C20orf141: variants seen among roughly 807,000 people sequenced by gnomAD.
C20orf141 encodes the protein chromosome 20 open reading frame 141, also known as uncharacterized protein C20orf141.
Under a neutral mutation model 7.8 loss-of-function variants are expected in C20orf141, and 8 were observed. That is an observed-to-expected ratio of 1.03 (90% CI 0.60 to 1.85). The LOEUF is 1.85. C20orf141 is among the 40% of genes most tolerant of loss of function. C20orf141 has a pLI of 0.00. For synonymous variants in C20orf141, 101 were observed against 90.8 expected (o/e 1.11, Z -0.64); for missense variants, 220 against 203.1 (o/e 1.08, Z -0.51).
Position 2,815,822 on chromosome 20 carries a change from C to A in C20orf141, c.*47C>A. ...TGTCCTTCAAATATACAATGACCAC[C>A]CTTCTTCATCAGGCCCCCTTTTCTC... On this transcript the variant is annotated 3_prime_UTR_variant, in exon 3 of 3. Coordinates refer to ENST00000603872, the MANE Select transcript of C20orf141 (RefSeq NM_001256538.2). The A allele has an allele frequency of 6.7e-7, 1 of 1,498,614 alleles. No individual in the cohort carries two copies. The highest frequency in any genetic ancestry group is 9.1e-7 in the Non-Finnish European group (1 of 1,096,500). The allele number at this position is 1,498,614 out of a possible 1,614,324, so 92.8% of individuals were successfully genotyped here. A position where few individuals can be genotyped will look rare whatever the true frequency, so the allele number is the denominator to read the frequency against.
Position 2,815,658 on chromosome 20 carries a change from A to G in C20orf141, c.381A>G (p.Gln127=). The G allele has an allele frequency of 6.2e-7, 1 of 1,614,074 alleles. No individual in the cohort carries two copies. The highest frequency in any genetic ancestry group is 8.5e-7 in the Non-Finnish European group (1 of 1,179,998). ...TGCAAATGGGTACAGTCTCAGGACAACTTAGCCTCCAGGACGCACTGCTGC... is the reference window on the plus strand; with the variant it reads ...TGCAAATGGGTACAGTCTCAGGACAGCTTAGCCTCCAGGACGCACTGCTGC... ...LLLQMGTVSG[Q]LSLQDALLLL... Residue 127 remains glutamine (Q), a synonymous_variant, in exon 3 of 3, where the codon CAA becomes CAG. Coordinates refer to ENST00000603872, the MANE Select transcript of C20orf141 (RefSeq NM_001256538.2).
Position 2,815,149 on chromosome 20 carries a change from C to T in C20orf141, c.-33-3C>T. 3.7e-6 allele frequency: 6 copies of T among 1,611,198 alleles called. No individual in the cohort carries two copies. Among genetic ancestry groups the T allele is most frequent in the Non-Finnish European group, 5.1e-6 (6 of 1,178,468 alleles). ...CTACTCTCACCCTTATAATCCTTTT[C>T]AGCACTAGGTCTTCCCGTCACCTCC... On this transcript the variant is annotated splice_region_variant and splice_polypyrimidine_tract_variant and intron_variant, in intron 1 of 2. Coordinates refer to ENST00000603872, the MANE Select transcript of C20orf141 (RefSeq NM_001256538.2).
Position 2,815,697 on chromosome 20 carries a change from G to A in C20orf141, c.420G>A (p.Gly140=). The change falls in exon 3 of 3, where the codon GGG becomes GGA. Residue 140 remains glycine (G), a synonymous_variant. Coordinates refer to ENST00000603872, the MANE Select transcript of C20orf141 (RefSeq NM_001256538.2). Reference sequence around the variant, plus strand: ...ACGCACTGCTGCTGCTGCTCATGGGGCTGGGCCCGCTCCTGAGAGCCTGTG... The same window carrying A: ...ACGCACTGCTGCTGCTGCTCATGGGACTGGGCCCGCTCCTGAGAGCCTGTG... ...LQDALLLLLM[G]LGPLLRACGM... The A allele has an allele frequency of 3.1e-6, 5 of 1,614,048 alleles. No individual in the cohort carries two copies. The highest frequency in any genetic ancestry group is 4.2e-6 in the Non-Finnish European group (5 of 1,180,018).
rs2088655220 is a variant in C20orf141, at chr20:2,815,382, C to T, written c.198C>T (p.Ser66=). The change falls in exon 2 of 3, where the codon TCC becomes TCT. Residue 66 remains serine, a synonymous_variant. Transcript: ENST00000603872. ...GACTGACAATCCAGGCAGTCTTTTC[C>T]ACCACTGGCCCAGCCCTGCTGCTGC... is the stretch of plus-strand genomic sequence containing the variant. ...ALGLTIQAVF[S]TTGPALLLLL... is the part of the protein sequence containing the mutation. 6.3e-7 allele frequency: 1 copy of T among 1,580,598 alleles called. No homozygotes were observed. Among genetic ancestry groups the T allele is most frequent in the South Asian group, 1.2e-5 (1 of 86,038 alleles).
chr20:2,815,301 C>T lies in C20orf141; in HGVS notation c.117C>T (p.Thr39=). 2.5e-6 allele frequency: 4 copies of T among 1,611,308 alleles called. No homozygotes were observed. The highest frequency in any genetic ancestry group is 3.4e-6 in the Non-Finnish European group (4 of 1,178,444). The part of the protein sequence containing the change: ...SGSPVRPPVS[T]WGPSWAQLLD... ...GTCCAGTGCGTCCACCTGTATCCACCTGGGGCCCTAGCTGGGCCCAGCTCC... is the reference window on the plus strand; with the variant it reads ...GTCCAGTGCGTCCACCTGTATCCACTTGGGGCCCTAGCTGGGCCCAGCTCC... Residue 39 remains threonine (T), a synonymous_variant, in exon 2 of 3, where the codon ACC becomes ACT. Transcript: ENST00000603872.
rs769341290 is a variant in C20orf141, at chr20:2,815,535, C to T, written c.261-3C>T. On this transcript the variant is annotated splice_polypyrimidine_tract_variant and splice_region_variant and intron_variant, in intron 2 of 2. Transcript: ENST00000603872. Reference sequence around the variant, plus strand: ...GCCCAGTCACCACCCTCTCTCTCCACAGGCCCGCAGGTCACACTCTGCCAC... The same window carrying T: ...GCCCAGTCACCACCCTCTCTCTCCATAGGCCCGCAGGTCACACTCTGCCAC... 4 of 1,607,564 alleles carry T rather than the reference C, an allele frequency of 2.5e-6. No individual in the cohort carries two copies. Among genetic ancestry groups the T allele is most frequent in the Non-Finnish European group, 3.4e-6 (4 of 1,175,924 alleles).
chr20:2,815,204 C>A lies in C20orf141; in HGVS notation c.20C>A (p.Pro7His). Residue 7 changes from proline to histidine, a missense_variant, in exon 2 of 3, where the codon CCC becomes CAC. Pro to His is a moderately conservative substitution (Grantham distance 77). Transcript: ENST00000603872. The stretch of plus-strand genomic sequence containing the variant: ...CTCTCCATGACCCGGCTCTGCTTAC[C>A]CAGACCCGAAGCACGTGAGGATCCG... MTRLCL[P>H]RPEAREDPIP... The A allele has an allele frequency of 6.2e-7, 1 of 1,614,072 alleles. No homozygotes were observed.
In C20orf141 at chr20:2,815,386, A is replaced by G. The variant is rs1461725716; in HGVS notation, c.202A>G (p.Thr68Ala). The G allele has an allele frequency of 6.3e-7, 1 of 1,578,912 alleles. No individual in the cohort carries two copies. Among genetic ancestry groups the G allele is most frequent in the Non-Finnish European group, 8.6e-7 (1 of 1,159,748 alleles). Residue 68 changes from threonine (T) to alanine (A), a missense_variant, in exon 2 of 3, where the codon ACT becomes GCT. Physicochemically the swap from Thr to Ala is moderately conservative, Grantham distance 58 (BLOSUM62 0). Transcript: ENST00000603872. Reference sequence around the variant, plus strand: ...GACAATCCAGGCAGTCTTTTCCACCACTGGCCCAGCCCTGCTGCTGCTTCT... The same window carrying G: ...GACAATCCAGGCAGTCTTTTCCACCGCTGGCCCAGCCCTGCTGCTGCTTCT... ...GLTIQAVFST[T>A]GPALLLLLVS...
At chr20:2,815,042 A>G in intron 1 of C20orf141, 25 bp downstream of exon 1, 1 of 1,039,758 alleles carries the variant, frequency 9.6e-7, no homozygotes, top group South Asian at 1.5e-5. Flanking sequence ...CTGGGTGGGT[A>G]TGGGGGAGGG....
In C20orf141 at chr20:2,815,013, A is replaced by G; in HGVS notation, c.-38A>G. 2.6e-6 allele frequency: 2 copies of G among 770,072 alleles called. No individual in the cohort carries two copies. The highest frequency in any genetic ancestry group is 4.1e-6 in the Non-Finnish European group (2 of 484,208). The allele number at this position is 770,072 out of a possible 1,614,324, so 47.7% of individuals were successfully genotyped here. Reference sequence around the variant, plus strand: ...CTCCCAGAATGCTGACCAAAGTGGGAGGAGGTGAGGAGGGTTTGCTGGGTG... The same window carrying G: ...CTCCCAGAATGCTGACCAAAGTGGGGGGAGGTGAGGAGGGTTTGCTGGGTG... On this transcript the variant is annotated 5_prime_UTR_variant, in exon 1 of 3. Transcript: ENST00000603872.
chr20:2,815,390 GC>G lies in C20orf141; in HGVS notation c.209del (p.Pro70GlnfsTer76). ...LTIQAVFSTT[G>X]PALLLLLVSF... ...ATCCAGGCAGTCTTTTCCACCACTG[GC>G]CCAGCCCTGCTGCTGCTTCTGGTCA... On this transcript the variant is annotated frameshift_variant, in exon 2 of 3. Transcript: ENST00000603872. LOFTEE classifies it high-confidence loss of function. 1 of 1,573,722 alleles carries G rather than the reference GC, an allele frequency of 6.4e-7. No individual in the cohort carries two copies. The highest frequency in any genetic ancestry group is 8.6e-7 in the Non-Finnish European group (1 of 1,157,070).
chr20:2,815,155 T>C lies in C20orf141; in HGVS notation c.-30T>C. On this transcript the variant is annotated 5_prime_UTR_variant, in exon 2 of 3. Transcript: ENST00000603872. ...TCACCCTTATAATCCTTTTCAGCACTAGGTCTTCCCGTCACCTCCACCTCT... is the reference window on the plus strand; with the variant it reads ...TCACCCTTATAATCCTTTTCAGCACCAGGTCTTCCCGTCACCTCCACCTCT... 1.2e-6 allele frequency: 2 copies of C among 1,612,822 alleles called. No homozygotes were observed. Among genetic ancestry groups the C allele is most frequent in the South Asian group, 1.1e-5 (1 of 90,870 alleles).
At position 2,815,547 on chromosome 20, in the gene C20orf141, T is replaced by C. The variant is rs540559982; in HGVS notation, c.270T>C (p.Gly90=). ...CCCTCTCTCTCCACAGGCCCGCAGG[T>C]CACACTCTGCCACAGCGCAAACTTC... ...LTFDLLHRPA[G]HTLPQRKLLT... The change falls in exon 3 of 3, where the codon GGT becomes GGC. Residue 90 remains glycine (G), a synonymous_variant. Coordinates refer to ENST00000603872, the MANE Select transcript of C20orf141 (RefSeq NM_001256538.2). 6.2e-7 allele frequency: 1 copy of C among 1,612,140 alleles called. No homozygotes were observed. The highest frequency in any genetic ancestry group is 8.5e-7 in the Non-Finnish European group (1 of 1,178,806).
rs763192123 is a variant in C20orf141 at position 2,815,648 on chromosome 20, T to C, written c.371T>C (p.Val124Ala). The change falls in exon 3 of 3, where the codon GTC becomes GCC. Residue 124 changes from valine (V) to alanine (A), a missense_variant. Physicochemically the swap from Val to Ala is moderately conservative, Grantham distance 64. Transcript: ENST00000603872. Reference sequence around the variant, plus strand: ...GCTCTACTCCTGCAAATGGGTACAGTCTCAGGACAACTTAGCCTCCAGGAC... The same window carrying C: ...GCTCTACTCCTGCAAATGGGTACAGCCTCAGGACAACTTAGCCTCCAGGAC... ...QEALLLQMGTVSGQLSLQDAL... is the reference protein window; with the variant it reads ...QEALLLQMGTASGQLSLQDAL... 2 of 1,613,854 alleles carry C rather than the reference T, an allele frequency of 1.2e-6. No individual in the cohort carries two copies. Among genetic ancestry groups the C allele is most frequent in the Non-Finnish European group, 1.7e-6 (2 of 1,179,990 alleles).
Position 2,815,823 on chromosome 20 carries a change from C to A in C20orf141, c.*48C>A. The A allele has an allele frequency of 6.7e-7, 1 of 1,498,318 alleles. No individual in the cohort carries two copies. The highest frequency in any genetic ancestry group is 9.1e-7 in the Non-Finnish European group (1 of 1,096,318). The allele number at this position is 1,498,318 out of a possible 1,614,324, so 92.8% of individuals were successfully genotyped here. A position where few individuals can be genotyped will look rare whatever the true frequency, so the allele number is the denominator to read the frequency against. ...GTCCTTCAAATATACAATGACCACCCTTCTTCATCAGGCCCCCTTTTCTCC... is the reference window on the plus strand; with the variant it reads ...GTCCTTCAAATATACAATGACCACCATTCTTCATCAGGCCCCCTTTTCTCC... On this transcript the variant is annotated 3_prime_UTR_variant, in exon 3 of 3. Coordinates refer to ENST00000603872, the MANE Select transcript of C20orf141 (RefSeq NM_001256538.2).
intron 2 of C20orf141, 26 bp downstream of exon 2, chr20:2,815,470 G>A (rs1437970194): frequency 1.3e-6 from 2 of 1,568,450 alleles, no homozygotes; most frequent in Admixed American, 1.7e-5. Flanking sequence ...CCTGGCAGGT[G>A]GGCATTGTAG....
chr20:2,815,512 C>T (rs1286569558), intron 2 of C20orf141, 26 bp from the exon 3 acceptor site: 2 of 1,588,310 alleles, frequency 1.3e-6, no homozygotes, highest in Non-Finnish European at 1.7e-6. Context: ...TTCCCTAAGC[C>T]CAGTCACCAC....
At chr20:2,815,085 G>A (rs2088650490) in intron 1 of C20orf141, 67 bp from the exon 2 acceptor site, 1 of 1,457,574 alleles carries the variant, frequency 6.9e-7, no homozygotes, top group East Asian at 2.3e-5. Context: ...TCCCCACTCT[G>A]AGCTCACCCT....
Position 2,815,577 on chromosome 20 carries a change from C to T in C20orf141, c.300C>T (p.Thr100=), listed in dbSNP as rs931206663. 1.9e-6 allele frequency: 3 copies of T among 1,613,864 alleles called. No individual in the cohort carries two copies. The African/African-American group carries it at 4.0e-5, about 22-fold the overall frequency. Residue 100 remains threonine (T), a synonymous_variant, in exon 3 of 3, where the codon ACC becomes ACT. Coordinates refer to ENST00000603872, the MANE Select transcript of C20orf141 (RefSeq NM_001256538.2). The part of the protein sequence containing the change: ...GHTLPQRKLL[T]RGQSQGAGEG... ...CTCTGCCACAGCGCAAACTTCTCACCAGGGGCCAGAGTCAGGGGGCCGGTG... is the reference window on the plus strand; with the variant it reads ...CTCTGCCACAGCGCAAACTTCTCACTAGGGGCCAGAGTCAGGGGGCCGGTG...
Sources: gnomAD v4.1 joint callset for allele counts on GRCh38, gnomAD v4.1.1 for gene constraint, MANE v1.5 for transcripts, NCBI Gene and HGNC (gene_info 2026-07-23, HGNC 2026-07-21) for gene names.